The following GSTZ1 variants were observed in gnomAD, a reference collection of about 807,000 sequenced individuals.
The protein encoded by GSTZ1 is glutathione S-transferase zeta 1.
Under a neutral mutation model 35.9 loss-of-function variants are expected in GSTZ1, and 34 were observed. The observed-to-expected ratio is 0.95, with a 90% CI of 0.72 to 1.26. The LOEUF (loss-of-function observed/expected upper bound fraction) is 1.26, where lower values mean the gene tolerates loss of function less well. GSTZ1 is among the 50% of genes most tolerant of loss of function. The pLI, the probability that GSTZ1 is intolerant of heterozygous loss-of-function variation, is 0.00. For missense variants in GSTZ1, 263 were observed against 271.7 expected (o/e 0.97, Z 0.23); for synonymous variants, 93 against 101.2 (o/e 0.92, Z 0.49).
At position 77,326,835 on chromosome 14, in the gene GSTZ1, T is replaced by C; in HGVS notation, c.68-3T>C. On this transcript the variant is annotated splice_region_variant and splice_polypyrimidine_tract_variant and intron_variant, in intron 2 of 8. Coordinates refer to ENST00000216465, the MANE Select transcript of GSTZ1 (RefSeq NM_145870.3). ...TGACTCCGCTATGTGCGGTCTCTCC[T>C]AGCTCTGGCCTTGAAAGGCATCGAC... is the stretch of plus-strand genomic sequence containing the variant. 1.2e-6 allele frequency: 2 copies of C among 1,601,396 alleles called. No individual in the cohort carries two copies. The highest frequency in any genetic ancestry group is 1.7e-6 in the Non-Finnish European group (2 of 1,171,972).
intron 2 of GSTZ1, 98 bp from the exon 3 acceptor site, chr14:77,326,740 C>A: frequency 1.2e-6 from 1 of 810,974 alleles, no homozygotes. Context: ...AGAGAAGCCT[C>A]CCCCTCTTTG....
Position 77,327,467 on chromosome 14 carries a change from C to T in GSTZ1, c.136-5C>T. On this transcript the variant is annotated splice_region_variant and splice_polypyrimidine_tract_variant and intron_variant, in intron 3 of 8. Coordinates refer to ENST00000216465, the MANE Select transcript of GSTZ1 (RefSeq NM_145870.3). ...ACCCAGCCCACCAGGGCCTTGTCTC[C>T]ACAGTTTTCTAAGGACTTCCAGGCA... The T allele has an allele frequency of 6.3e-7, 1 of 1,599,478 alleles. No individual in the cohort carries two copies. Among genetic ancestry groups the T allele is most frequent in the Non-Finnish European group, 8.5e-7 (1 of 1,170,580 alleles).
intron 7 of GSTZ1, 118 bp downstream of exon 7, chr14:77,329,925 G>A: frequency 1.3e-6 from 1 of 788,480 alleles, no homozygotes; most frequent in Non-Finnish European, 2.2e-6. Context: ...TGTGCCATGG[G>A]GCACTCCTCA....
chr14:77,329,087 G>C (rs1270245690), intron 5 of GSTZ1, 36 bp from the exon 6 acceptor site: 1 of 1,470,888 alleles, frequency 6.8e-7, no homozygotes, highest in Non-Finnish European at 9.5e-7. Flanking sequence ...CCACCCAGCT[G>C]TCAGCGCAAT....
At chr14:77,322,770 A>C (rs886480858) in intron 1 of GSTZ1, 1 of 956,268 alleles carries the variant, frequency 1.0e-6, no homozygotes, top group African/African-American at 1.8e-5. Flanking sequence ...GGGCTTGGGA[A>C]CCATCTTGGA....
At chr14:77,331,019 C>G (rs1420879764) in intron 8 of GSTZ1, 50 bp from the exon 9 acceptor site, 1 of 1,579,864 alleles carries the variant, frequency 6.3e-7, no homozygotes. Flanking sequence ...TCAGGGCAGT[C>G]TCCCTGTGTC....
At chr14:77,327,711 A>G in intron 4 of GSTZ1, 159 bp downstream of exon 4, 1 of 731,214 alleles carries the variant, frequency 1.4e-6, no homozygotes, top group Non-Finnish European at 2.4e-6. Flanking sequence ...TAGGAAAATA[A>G]GGGAAGATTC....
intron 4 of GSTZ1, 27 bp downstream of exon 4, chr14:77,327,579 C>T: frequency 1.4e-6 from 2 of 1,454,918 alleles, no homozygotes; most frequent in Non-Finnish European, 1.9e-6. Context: ...GGGGAGGGCC[C>T]TCATGAGAGC....
chr14:77,327,474 T>G lies in GSTZ1; in HGVS notation c.138T>G (p.Phe46Leu). 1 of 1,603,050 alleles carries G rather than the reference T, an allele frequency of 6.2e-7. No individual in the cohort carries two copies. Among genetic ancestry groups the G allele is most frequent in the Non-Finnish European group, 8.5e-7 (1 of 1,173,262 alleles). The change falls in exon 4 of 9, where the codon TTT becomes TTG. Residue 46 changes from phenylalanine to leucine, a missense_variant and splice_region_variant. By Grantham distance (22) the Phe-to-Leu change is conservative. Coordinates refer to ENST00000216465, the MANE Select transcript of GSTZ1 (RefSeq NM_145870.3). ...CCACCAGGGCCTTGTCTCCACAGTT[T>G]TCTAAGGACTTCCAGGCACTGAATC... ...INLIKDGGQQ[F>L]SKDFQALNPM... is the part of the protein sequence containing the mutation.
In GSTZ1 at chr14:77,324,898, C is replaced by A; in HGVS notation, c.44C>A (p.Ser15Tyr). The change falls in exon 2 of 9, where the codon TCC becomes TAC. Residue 15 changes from serine (S) to tyrosine (Y), a missense_variant. Physicochemically the swap from Ser to Tyr is moderately radical, Grantham distance 144 (BLOSUM62 -2). Coordinates refer to ENST00000216465, the MANE Select transcript of GSTZ1 (RefSeq NM_145870.3). The part of the protein sequence containing the change: ...KPILYSYFRS[S>Y]CSWRVRIALA... The stretch of plus-strand genomic sequence containing the variant: ...ATCCTCTATTCCTATTTCCGAAGCT[C>A]CTGCTCATGGAGAGTTCGAATTGGT... The A allele has an allele frequency of 1.2e-6, 2 of 1,614,082 alleles. No individual in the cohort carries two copies. Among genetic ancestry groups the A allele is most frequent in the South Asian group, 1.1e-5 (1 of 91,088 alleles).
chr14:77,331,324 G>A lies in GSTZ1; in HGVS notation c.*129G>A. ...ACTCTAGCCCTGGATCTGCCTTCCT[G>A]CTGAAACTTGTTCCACCTCAGTCCC... On this transcript the variant is annotated 3_prime_UTR_variant, in exon 9 of 9. Coordinates refer to ENST00000216465, the MANE Select transcript of GSTZ1 (RefSeq NM_145870.3). The A allele has an allele frequency of 9.1e-7, 1 of 1,101,506 alleles. No homozygotes were observed. Among genetic ancestry groups the A allele is most frequent in the Non-Finnish European group, 1.3e-6 (1 of 792,896 alleles). The allele number at this position is 1,101,506 out of a possible 1,614,324, so 68.2% of individuals were successfully genotyped here. A position where few individuals can be genotyped will look rare whatever the true frequency, so the allele number is the denominator to read the frequency against.
Position 77,326,923 on chromosome 14 carries a change from A to C in GSTZ1, c.135+18A>C, listed in dbSNP as rs1415634557. The C allele has an allele frequency of 1.9e-6, 3 of 1,569,142 alleles. No homozygotes were observed. The highest frequency in any genetic ancestry group is 2.3e-5 in the South Asian group (2 of 88,018). The stretch of plus-strand genomic sequence containing the variant: ...GCCAACAGGTAAGAAGGCTGTGCCC[A>C]GACCACAATGTGGGAATTGGAGGCC... On this transcript the variant is annotated intron_variant, in intron 3 of 8. Coordinates refer to ENST00000216465, the MANE Select transcript of GSTZ1 (RefSeq NM_145870.3).
Position 77,331,153 on chromosome 14 carries a change from C to A in GSTZ1, c.609C>A (p.His203Gln), listed in dbSNP as rs373514679. The A allele has an allele frequency of 2.7e-5, 43 of 1,614,108 alleles. No homozygotes were observed. The East Asian group carries it at 8.5e-4, about 32-fold the overall frequency. ...LLVLEAFQVS[H>Q]PCRQPDTPTE... ...TCTTGGAGGCCTTCCAGGTGTCTCA[C>A]CCCTGCCGGCAGCCAGATACACCCA... Residue 203 changes from histidine (H) to glutamine (Q), a missense_variant, in exon 9 of 9, where the codon CAC becomes CAA. His to Gln is a conservative substitution (Grantham distance 24, BLOSUM62 0). Coordinates refer to ENST00000216465, the MANE Select transcript of GSTZ1 (RefSeq NM_145870.3).
In GSTZ1 at chr14:77,326,877, T is replaced by A; in HGVS notation, c.107T>A (p.Ile36Asn). ...LKGIDYETVPINLIKDGGQQF... is the reference protein window; with the variant it reads ...LKGIDYETVPNNLIKDGGQQF... ...GGCATCGACTACGAGACGGTGCCCATCAATCTCATAAAGGATGGGGGCCAA... is the reference window on the plus strand; with the variant it reads ...GGCATCGACTACGAGACGGTGCCCAACAATCTCATAAAGGATGGGGGCCAA... The change falls in exon 3 of 9, where the codon ATC (isoleucine) becomes AAC (asparagine). Residue 36 changes from isoleucine (I) to asparagine (N), a missense_variant. Transcript: ENST00000216465. 1 of 1,607,084 alleles carries A rather than the reference T, an allele frequency of 6.2e-7. No homozygotes were observed. Among genetic ancestry groups the A allele is most frequent in the Non-Finnish European group, 8.5e-7 (1 of 1,176,100 alleles).
chr14:77,329,924 G>A (rs1446966412), intron 7 of GSTZ1, 117 bp downstream of exon 7: 1 of 792,412 alleles, frequency 1.3e-6, no homozygotes, highest in African/African-American at 1.7e-5. Flanking sequence ...CTGTGCCATG[G>A]GGCACTCCTC....
chr14:77,326,609 C>CT (rs1165292654), intron 2 of GSTZ1: 5 of 507,032 alleles, frequency 9.9e-6, no homozygotes, highest in Admixed American at 9.5e-5. Context: ...CTTGAGGTCT[C>CT]TAAGAGTTCA....
At chr14:77,321,289 C>T in intron 1 of GSTZ1, 106 bp downstream of exon 1, 2 of 1,521,768 alleles carry the variant, frequency 1.3e-6, no homozygotes, top group Non-Finnish European at 1.8e-6. Context: ...GACAACGACT[C>T]CCGGCATGCA....
At position 77,331,378 on chromosome 14, in the gene GSTZ1, G is replaced by C. The variant is rs751189030; in HGVS notation, c.*183G>C. On this transcript the variant is annotated 3_prime_UTR_variant, in exon 9 of 9. Transcript: ENST00000216465. Reference sequence around the variant, plus strand: ...ATCTGTCACACGCATGTGGGGTGGAGTAGGGAGATGCGGGGAGCAGGGTGG... The same window carrying C: ...ATCTGTCACACGCATGTGGGGTGGACTAGGGAGATGCGGGGAGCAGGGTGG... 5 of 641,190 alleles carry C rather than the reference G, an allele frequency of 7.8e-6. No individual in the cohort carries two copies. The African/African-American group carries it at 9.1e-5, about 12-fold the overall frequency. The allele number at this position is 641,190 out of a possible 1,614,324, so 39.7% of individuals were successfully genotyped here.
chr14:77,331,434 A>G lies in GSTZ1; in HGVS notation c.*239A>G. The G allele has an allele frequency of 2.1e-6, 1 of 466,088 alleles. No individual in the cohort carries two copies. Among genetic ancestry groups the G allele is most frequent in the Non-Finnish European group, 3.8e-6 (1 of 259,928 alleles). 28.9% of individuals were successfully genotyped at this position (466,088 alleles called of 1,614,324 possible). ...AATACTGTTATCTATGTGACGGGGC[A>G]GTCGTGAGGCTGAGATGAGAATGCG... On this transcript the variant is annotated 3_prime_UTR_variant, in exon 9 of 9. Transcript: ENST00000216465.
Sources: allele counts gnomAD v4.1 joint callset, GRCh38; gene constraint gnomAD v4.1.1; transcripts MANE v1.5; gene names NCBI Gene and HGNC (gene_info 2026-07-23, HGNC 2026-07-21).